Variants in VPS13C observed in about 807,000 individuals in gnomAD.
VPS13C encodes the protein intermembrane lipid transfer protein VPS13C.
Under a neutral mutation model 456.8 loss-of-function variants are expected in VPS13C, and 358 were observed. That is an observed-to-expected ratio of 0.78 (90% CI 0.72 to 0.86). The LOEUF (loss-of-function observed/expected upper bound fraction) is 0.86. Among genes scored for constraint, VPS13C ranks in the 40% least tolerant of loss-of-function variants. The probability of loss-of-function intolerance (pLI) is 0.00; values close to 1 mark genes in which losing one functional copy is unlikely to be tolerated. For synonymous variants in VPS13C, 1,578 were observed against 1,486.7 expected (o/e 1.06, Z -1.41); for missense variants, 4,818 against 4,385.4 (o/e 1.10, Z -2.79).
At chr15:61,918,673 G>C (rs142356272) in intron 58 of VPS13C, among the ~76,000 whole-genome samples, 97 of 152,010 alleles carry the variant, frequency 6.4e-4, no homozygotes, top group African/African-American at 2.3e-3. Context: ...TTACGCATTG[G>C]AGCAAATAAC....
At chr15:62,003,325 A>G (rs8029201) in intron 15 of VPS13C, among the ~76,000 whole-genome samples, 3,361 of 147,404 alleles carry the variant, frequency 0.023, 121 homozygotes, top group African/African-American at 0.062. Flanking sequence ...CCGTTTGTCT[A>G]TTATTGGTGT....
Position 61,881,874 on chromosome 15 carries a change from A to G in VPS13C, c.9625-46T>C, listed in dbSNP as rs778139627. The G allele has an allele frequency of 2.0e-6, 3 of 1,516,034 alleles. No homozygotes were observed. The East Asian group carries it at 6.9e-5, about 35-fold the overall frequency. 93.9% of individuals were successfully genotyped at this position (1,516,034 alleles called of 1,614,324 possible). A position where few individuals can be genotyped will look rare whatever the true frequency, so the allele number is the denominator to read the frequency against. On this transcript the variant is annotated intron_variant, in intron 69 of 84. Transcript: ENST00000644861. ...CTTATCAAGATTTCAAATAATTTAA[A>G]CTTTTAGTTTCAAAGATAATGTTAT...
At chr15:61,944,516 A>C (rs1446210101) in intron 45 of VPS13C, among the ~76,000 whole-genome samples, 1 of 152,152 alleles carries the variant, frequency 6.6e-6, no homozygotes, top group African/African-American at 2.4e-5. Context: ...CCATTATCCT[A>C]AGCAAATTAA....
intron 50 of VPS13C, among the ~76,000 whole-genome samples, chr15:61,930,521 T>C (rs2044019957): frequency 6.6e-6 from 1 of 152,136 alleles, no homozygotes; most frequent in Admixed American, 6.5e-5. Context: ...AAAAATCAGA[T>C]ACAAAATATT....
intron 1 of VPS13C, among the ~76,000 whole-genome samples, chr15:62,046,752 G>A (rs935154215): frequency 1.3e-5 from 2 of 152,166 alleles, no homozygotes; most frequent in African/African-American, 4.8e-5. Flanking sequence ...AAAGTGGGCT[G>A]TTTCTCCTGC....
At chr15:61,897,458 G>A (rs2042861327) in intron 66 of VPS13C, among the ~76,000 whole-genome samples, 3 of 152,160 alleles carry the variant, frequency 2.0e-5, no homozygotes, top group Non-Finnish European at 4.4e-5. Flanking sequence ...GAAGAATGCA[G>A]AAGCCTCAGG....
At position 61,984,999 on chromosome 15, in the gene VPS13C, A is replaced by G. The variant is rs1373672088; in HGVS notation, c.1579T>C (p.Tyr527His). The change falls in exon 19 of 85, where the codon TAT (tyrosine) becomes CAT (histidine). Residue 527 changes from tyrosine to histidine, a missense_variant and splice_region_variant. Around this residue, in one of 3 missense-constraint regions of VPS13C, gnomAD observed 4,552 missense variants for 4,130.6 expected, o/e 1.10. Transcript: ENST00000644861. ...STHNLTLPKQ[Y>H]VAHIMTLKLV... ...TTCAGGGTCATAATATGGGCAACAT[A>G]CTATACAGAAAGAATGAAATTAAAA... 3 of 1,486,468 alleles carry G rather than the reference A, an allele frequency of 2.0e-6. No individual in the cohort carries two copies. The highest frequency in any genetic ancestry group is 2.8e-5 in the South Asian group (2 of 70,208). 92.1% of individuals were successfully genotyped at this position (1,486,468 alleles called of 1,614,324 possible).
intron 16 of VPS13C, among the ~76,000 whole-genome samples, chr15:61,996,012 T>C (rs2046372468): frequency 6.6e-6 from 1 of 152,196 alleles, no homozygotes; most frequent in African/African-American, 2.4e-5. Context: ...AAACTCCGTA[T>C]TTCCGGCCAA....
At chr15:61,886,013 T>A (rs755800622) in intron 67 of VPS13C, among the ~76,000 whole-genome samples, 3 of 152,114 alleles carry the variant, frequency 2.0e-5, no homozygotes, top group Non-Finnish European at 2.9e-5. Flanking sequence ...TTGTTCTGAA[T>A]GTCTTCAATT....
intron 37 of VPS13C, among the ~76,000 whole-genome samples, chr15:61,958,269 A>G (rs1244279758): frequency 2.0e-5 from 3 of 152,080 alleles, no homozygotes; most frequent in Admixed American, 1.3e-4. Context: ...CAGATACACT[A>G]TGCTACCATA....
At chr15:61,908,953 C>T (rs1404845885) in intron 65 of VPS13C, 39 bp downstream of exon 65, 2 of 1,599,746 alleles carry the variant, frequency 1.3e-6, no homozygotes, top group East Asian at 4.5e-5. Flanking sequence ...TTACTATGAA[C>T]CAATAAAAGT....
chr15:61,877,101 TAAAA>T, intron 74 of VPS13C, 47 bp from the exon 75 acceptor site: 2 of 1,450,358 alleles, frequency 1.4e-6, no homozygotes, highest in Non-Finnish European at 1.9e-6. Flanking sequence ...TATTATATGA[TAAAA>T]AAAGAGACTT....
At chr15:62,054,906 T>C (rs1283624565) in intron 1 of VPS13C, among the ~76,000 whole-genome samples, 1 of 152,206 alleles carries the variant, frequency 6.6e-6, no homozygotes, top group African/African-American at 2.4e-5. Flanking sequence ...GTTTTTGACA[T>C]AATCTATCTC....
intron 76 of VPS13C, 42 bp downstream of exon 76, chr15:61,875,690 A>G (rs746690143): frequency 4.7e-5 from 68 of 1,438,338 alleles, no homozygotes; most frequent in Non-Finnish European, 6.4e-5. Flanking sequence ...TAGACCATCC[A>G]TTTTTCTGTA....
At chr15:62,055,244 TGA>T (rs1344976274) in intron 1 of VPS13C, among the ~76,000 whole-genome samples, 6 of 152,160 alleles carry the variant, frequency 3.9e-5, no homozygotes, top group African/African-American at 1.4e-4. Context: ...CTTTTTTTTT[TGA>T]GACGGGAGTC....
At chr15:61,872,113 G>C in intron 78 of VPS13C, 79 bp from the exon 79 acceptor site, 1 of 1,159,916 alleles carries the variant, frequency 8.6e-7, no homozygotes, top group South Asian at 1.4e-5. Flanking sequence ...GGTCTCTACA[G>C]ACATACTGGA....
At chr15:61,992,884 T>TA (rs2046268008) in intron 16 of VPS13C, among the ~76,000 whole-genome samples, 1 of 152,092 alleles carries the variant, frequency 6.6e-6, no homozygotes, top group Non-Finnish European at 1.5e-5. Context: ...ATTTTTTTTT[T>TA]AATTCCCCTG....
At chr15:61,865,830 G>C (rs1004509591) in intron 81 of VPS13C, 3 of 903,252 alleles carry the variant, frequency 3.3e-6, no homozygotes, top group Non-Finnish European at 4.0e-6. Context: ...TAGAGGATAA[G>C]TAGAATAGTA....
chr15:61,853,496 T>G lies in VPS13C; in HGVS notation c.*961A>C, dbSNP rs567038352. ...ATTACAGAGGGCAGAGTGTAGCTAT[T>G]TTAAGGTTTGATTGTCCAGATTTTT... On this transcript the variant is annotated 3_prime_UTR_variant, in exon 85 of 85. Transcript: ENST00000644861. 3 of 152,266 alleles carry G rather than the reference T, an allele frequency of 2.0e-5. No individual in the cohort carries two copies. The East Asian group carries it at 5.8e-4, about 29-fold the overall frequency. 9.4% of individuals were successfully genotyped at this position (152,266 alleles called of 1,614,324 possible).
Sources: gnomAD v4.1 joint callset for allele counts (sites outside exome capture counted in the v4.1 genomes callset) on GRCh38, gnomAD v4.1.1 for gene constraint, gnomAD v4.1.1 regional missense constraint, MANE v1.5 for transcripts, NCBI Gene and HGNC (gene_info 2026-07-23, HGNC 2026-07-21) for gene names.